Variants in YTHDC2 observed in about 807,000 individuals in gnomAD.
YTHDC2 encodes the protein YTH N6-methyladenosine RNA binding protein C2, also known as 3'-5' RNA helicase YTHDC2.
In YTHDC2, 45 loss-of-function variants were observed where a neutral mutation model predicts 174.9. The ratio of observed to expected loss-of-function variants is 0.26; its 90% confidence interval spans 0.20 to 0.33. The LOEUF is 0.33. Among genes scored for constraint, YTHDC2 ranks in the 10% least tolerant of loss-of-function variants. YTHDC2 has a pLI of 1.00. For missense variants in YTHDC2, 1,650 were observed against 1,723.7 expected (o/e 0.96, Z 0.76); for synonymous variants, 657 against 574.5 (o/e 1.14, Z -2.05).
At chr5:113,526,071 C>T (rs1298108406) in intron 3 of YTHDC2, among the ~76,000 whole-genome samples, 1 of 152,048 alleles carries the variant, frequency 6.6e-6, no homozygotes, top group East Asian at 1.9e-4. Flanking sequence ...TATTTGATCA[C>T]TTAATCTTAC....
At chr5:113,533,503 C>T (rs998135897) in intron 5 of YTHDC2, among the ~76,000 whole-genome samples, 4 of 151,142 alleles carry the variant, frequency 2.6e-5, no homozygotes, top group East Asian at 1.9e-4. Flanking sequence ...GAGCTGAGAT[C>T]GCACCATGGC....
chr5:113,579,820 C>A (rs1042905055), intron 24 of YTHDC2, 125 bp downstream of exon 24: 1 of 1,298,536 alleles, frequency 7.7e-7, no homozygotes, highest in African/African-American at 1.5e-5. Context: ...ACTTGTTTTT[C>A]AGTTTTCTTG....
intron 17 of YTHDC2, among the ~76,000 whole-genome samples, chr5:113,558,519 G>A (rs897243656): frequency 1.3e-5 from 2 of 152,152 alleles, no homozygotes; most frequent in Non-Finnish European, 1.5e-5. Context: ...GAGGGGTAAG[G>A]AAGAGAGTGG....
intron 17 of YTHDC2, among the ~76,000 whole-genome samples, chr5:113,560,702 T>C (rs943528909): frequency 6.6e-6 from 1 of 152,248 alleles, no homozygotes; most frequent in Non-Finnish European, 1.5e-5. Context: ...ATAATTTGTA[T>C]GACTCTAATC....
intron 17 of YTHDC2, among the ~76,000 whole-genome samples, chr5:113,560,828 G>T (rs1463952055): frequency 6.6e-6 from 1 of 152,058 alleles, no homozygotes; most frequent in African/African-American, 2.4e-5. Context: ...TATTTCTTTT[G>T]ATTTTTACCA....
intron 2 of YTHDC2, chr5:113,517,525 G>A (rs1335114618): frequency 4.4e-6 from 2 of 455,976 alleles, no homozygotes; most frequent in East Asian, 6.9e-5. Flanking sequence ...CAAGAAGGAA[G>A]TTATGGAGAC....
chr5:113,531,152 C>T (rs1284199903), intron 4 of YTHDC2, among the ~76,000 whole-genome samples: 3 of 152,154 alleles, frequency 2.0e-5, no homozygotes, highest in African/African-American at 7.2e-5. Flanking sequence ...AAATGATACA[C>T]TTATCTTCTC....
chr5:113,545,202 G>T (rs753413038), intron 10 of YTHDC2, among the ~76,000 whole-genome samples: 1 of 152,032 alleles, frequency 6.6e-6, no homozygotes, highest in African/African-American at 2.4e-5. Flanking sequence ...CAAGGGACTA[G>T]GTCAATATTT....
intron 10 of YTHDC2, among the ~76,000 whole-genome samples, chr5:113,542,712 C>G (rs1381015977): frequency 6.6e-6 from 1 of 152,186 alleles, no homozygotes; most frequent in Non-Finnish European, 1.5e-5. Flanking sequence ...GATTCTTAAG[C>G]TAATGTCTCC....
rs191790768 is a variant in YTHDC2, at chr5:113,585,398, A to G, written c.3825+919A>G. ...TTTTGGCGAATGTGCCTGTTGAAAT[A>G]CTCTTTGTTAAATAAGAGGAAAATA... On this transcript the variant is annotated intron_variant, in intron 26 of 29. Transcript: ENST00000161863. Among the ~76,000 whole-genome samples, 175 of 152,018 alleles carry G rather than the reference A, an allele frequency of 1.2e-3. 3 individuals carry two copies. The highest frequency in any genetic ancestry group is 3.1e-4 in the Non-Finnish European group (21 of 67,956).
intron 4 of YTHDC2, among the ~76,000 whole-genome samples, chr5:113,531,861 C>G (rs933363183): frequency 5.9e-5 from 9 of 152,138 alleles, no homozygotes; most frequent in Non-Finnish European, 1.0e-4. Flanking sequence ...TGGAAGGCAG[C>G]TCTTCTGCTT....
At position 113,581,723 on chromosome 5, in the gene YTHDC2, A is replaced by G; in HGVS notation, c.3647+14A>G. On this transcript the variant is annotated intron_variant, in intron 25 of 29. Transcript: ENST00000161863. ...TACTGCAGAAAGGTAAATTTATGAC[A>G]TTTTACCAAAATGGGTCACTTTTTA... 1 of 1,466,406 alleles carries G rather than the reference A, an allele frequency of 6.8e-7. No homozygotes were observed. Among genetic ancestry groups the G allele is most frequent in the Non-Finnish European group, 9.0e-7 (1 of 1,106,806 alleles). 90.8% of individuals were successfully genotyped at this position (1,466,406 alleles called of 1,614,324 possible).
chr5:113,540,906 A>G, intron 8 of YTHDC2, 62 bp from the exon 9 acceptor site: 1 of 1,494,796 alleles, frequency 6.7e-7, no homozygotes, highest in Non-Finnish European at 9.1e-7. Flanking sequence ...ATTTAAACAA[A>G]GGAATACATT....
intron 4 of YTHDC2, among the ~76,000 whole-genome samples, chr5:113,530,050 C>T (rs2112569135): frequency 6.6e-6 from 1 of 152,284 alleles, no homozygotes; most frequent in South Asian, 2.1e-4. Flanking sequence ...GATCCTCCTG[C>T]TTCTGCCTCC....
chr5:113,521,111 G>C (rs1041386665), intron 2 of YTHDC2, among the ~76,000 whole-genome samples: 2 of 152,166 alleles, frequency 1.3e-5, no homozygotes, highest in Admixed American at 6.5e-5. Flanking sequence ...TTGTATGGCT[G>C]CATAGTATTC....
chr5:113,524,885 A>T (rs902117306), intron 2 of YTHDC2, 96 bp from the exon 3 acceptor site: 2 of 895,450 alleles, frequency 2.2e-6, no homozygotes, highest in African/African-American at 3.6e-5. Context: ...GATTTTTTTC[A>T]GTGTTTTGCT....
chr5:113,553,294 A>T lies in YTHDC2; in HGVS notation c.1802A>T (p.Asp601Val). ...LLKAYHHSFD[D>V]EKVDLDLIMH... ...AAAGCTTATCATCATAGTTTCGATG[A>T]TGAAAAAGTAGACTTGGATTTGATC... The change falls in exon 13 of 30, where the codon GAT (aspartate) becomes GTT (valine). Residue 601 changes from aspartate to valine, a missense_variant. Coordinates refer to ENST00000161863, the MANE Select transcript of YTHDC2 (RefSeq NM_022828.5). 1 of 1,611,840 alleles carries T rather than the reference A, an allele frequency of 6.2e-7. No homozygotes were observed.
chr5:113,582,313 G>T (rs905782443), intron 25 of YTHDC2: 2 of 152,158 alleles, frequency 1.3e-5, no homozygotes, highest in African/African-American at 4.8e-5. Flanking sequence ...CAAGATTTCT[G>T]TTATAATTTA....
chr5:113,517,401 A>C (rs115501702), intron 2 of YTHDC2, among the ~76,000 whole-genome samples: 1,676 of 152,310 alleles, frequency 0.011, 40 homozygotes, highest in African/African-American at 0.037. Flanking sequence ...CTTGCATTCT[A>C]AACAGCTAAC....
Sources: gnomAD v4.1 joint callset for allele counts (sites outside exome capture counted in the v4.1 genomes callset) on GRCh38, gnomAD v4.1.1 for gene constraint, MANE v1.5 for transcripts, NCBI Gene and HGNC (gene_info 2026-07-23, HGNC 2026-07-21) for gene names.